Variants in PLEKHA7 observed in about 807,000 individuals in gnomAD.
PLEKHA7 encodes pleckstrin homology domain-containing family A member 7.
A neutral mutation model predicts 170.0 loss-of-function variants in PLEKHA7; 104 were observed. The observed-to-expected ratio is 0.61, with a 90% CI of 0.52 to 0.72. PLEKHA7 has a LOEUF of 0.72. PLEKHA7 is among the 30% of genes least tolerant of loss of function. The probability of loss-of-function intolerance (pLI) is 0.00; values close to 1 mark genes in which losing one functional copy is unlikely to be tolerated. For missense variants in PLEKHA7, 1,615 were observed against 1,671.7 expected (o/e 0.97, Z 0.59); for synonymous variants, 648 against 660.8 (o/e 0.98, Z 0.30).
intron 26 of PLEKHA7, among the ~76,000 whole-genome samples, chr11:16,780,412 G>A (rs371250633): frequency 1.3e-5 from 2 of 152,258 alleles, no homozygotes; most frequent in Non-Finnish European, 2.9e-5. Context: ...AAAGTGCCCA[G>A]TGACCAAAAG....
At chr11:17,013,944 C>CA in intron 3 of PLEKHA7, 45 bp downstream of exon 3, 1 of 1,452,438 alleles carries the variant, frequency 6.9e-7, no homozygotes, top group South Asian at 1.3e-5. Flanking sequence ...GGAGGGACCC[C>CA]CCCCCCGCGG....
At chr11:16,842,750 C>A (rs12577088) in intron 8 of PLEKHA7, among the ~76,000 whole-genome samples, 1 of 151,996 alleles carries the variant, frequency 6.6e-6, no homozygotes, top group African/African-American at 2.4e-5. Context: ...AACAATCTCA[C>A]CAAATCTACA....
At chr11:16,910,371 T>G (rs1858160616) in intron 3 of PLEKHA7, among the ~76,000 whole-genome samples, 1 of 152,242 alleles carries the variant, frequency 6.6e-6, no homozygotes, top group Admixed American at 6.5e-5. Flanking sequence ...TCCAAGCTTA[T>G]TTATGCCTTC....
chr11:16,802,139 C>A (rs1469712880), intron 15 of PLEKHA7, among the ~76,000 whole-genome samples: 2 of 152,174 alleles, frequency 1.3e-5, no homozygotes, highest in South Asian at 4.1e-4. Flanking sequence ...AAAACAAAAA[C>A]CTCTTTAGCC....
intron 3 of PLEKHA7, among the ~76,000 whole-genome samples, chr11:17,007,419 T>C (rs1008498675): frequency 2.0e-5 from 3 of 151,868 alleles, no homozygotes; most frequent in Non-Finnish European, 4.4e-5. Flanking sequence ...ACCTCCTGGG[T>C]TCAAGCGTTC....
chr11:16,978,995 G>A (rs955884789), intron 3 of PLEKHA7, among the ~76,000 whole-genome samples: 1 of 152,146 alleles, frequency 6.6e-6, no homozygotes. Context: ...CCAGCCACCA[G>A]AACAAGATTT....
At chr11:16,873,509 T>C (rs1322793285) in intron 3 of PLEKHA7, among the ~76,000 whole-genome samples, 1 of 152,220 alleles carries the variant, frequency 6.6e-6, no homozygotes, top group Non-Finnish European at 1.5e-5. Context: ...CGTGGAATTC[T>C]ATGACCTCAT....
chr11:16,782,046 C>T (rs962585359), intron 26 of PLEKHA7, among the ~76,000 whole-genome samples: 3 of 152,000 alleles, frequency 2.0e-5, no homozygotes, highest in Non-Finnish European at 4.4e-5. Context: ...TCCTTCCTGG[C>T]TGAGAGAAAG....
At chr11:16,897,123 T>C (rs1857042378) in intron 3 of PLEKHA7, among the ~76,000 whole-genome samples, 1 of 152,214 alleles carries the variant, frequency 6.6e-6, no homozygotes, top group Non-Finnish European at 1.5e-5. Context: ...GGAGAGGTAG[T>C]ACTGACACTA....
At chr11:16,840,008 G>A (rs949668259) in intron 9 of PLEKHA7, among the ~76,000 whole-genome samples, 1 of 152,090 alleles carries the variant, frequency 6.6e-6, no homozygotes, top group African/African-American at 2.4e-5. Flanking sequence ...ACACTGTGAG[G>A]TAAGCCCCGC....
chr11:16,815,736 G>A (rs1366094720), intron 12 of PLEKHA7, among the ~76,000 whole-genome samples: 4 of 151,718 alleles, frequency 2.6e-5, no homozygotes, highest in Non-Finnish European at 5.9e-5. Context: ...GGCTGGTCTT[G>A]AACTCCTGGC....
chr11:16,839,188 T>C (rs425745), intron 9 of PLEKHA7, among the ~76,000 whole-genome samples: 24,447 of 152,014 alleles, frequency 0.16, 2,393 homozygotes, highest in African/African-American at 0.27. Flanking sequence ...AGGTGATTCA[T>C]ATATACTGAT....
chr11:16,986,530 C>T (rs1863735698), intron 3 of PLEKHA7, among the ~76,000 whole-genome samples: 1 of 152,154 alleles, frequency 6.6e-6, no homozygotes, highest in Non-Finnish European at 1.5e-5. Context: ...AAAGTGGGGA[C>T]CCTACTGACT....
chr11:16,816,867 T>C lies in PLEKHA7; in HGVS notation c.1799A>G (p.Asp600Gly), dbSNP rs767668346. ...CGAGATGTCCACACTCCTCCTCTGG[T>C]CCGGTGGCTTCACTGTGACTCGCTC... ...PAERVTVKPP[D>G]QRRSVDISLG... is the part of the protein sequence containing the mutation. The change falls in exon 11 of 27, where the codon GAC becomes GGC. Residue 600 changes from aspartate (D) to glycine (G), a missense_variant. Asp to Gly is a moderately conservative substitution (Grantham distance 94). Coordinates refer to ENST00000531066, the MANE Select transcript of PLEKHA7 (RefSeq NM_001329630.2). 6.2e-7 allele frequency: 1 copy of C among 1,614,096 alleles called. No individual in the cohort carries two copies. Among genetic ancestry groups the C allele is most frequent in the South Asian group, 1.1e-5 (1 of 91,080 alleles).
chr11:16,982,892 T>C (rs1432380525), intron 3 of PLEKHA7, among the ~76,000 whole-genome samples: 2 of 152,032 alleles, frequency 1.3e-5, no homozygotes, highest in African/African-American at 2.4e-5. Context: ...CTAGGATTCC[T>C]GGACTCCACA....
intron 3 of PLEKHA7, among the ~76,000 whole-genome samples, chr11:16,934,049 C>A (rs1433891037): frequency 6.6e-6 from 1 of 152,170 alleles, no homozygotes; most frequent in Non-Finnish European, 1.5e-5. Context: ...AACAGGAAGC[C>A]CTCTGGTCCT....
At chr11:16,841,226 AGTCT>A (rs1431441148) in intron 9 of PLEKHA7, among the ~76,000 whole-genome samples, 1 of 152,160 alleles carries the variant, frequency 6.6e-6, no homozygotes, top group Non-Finnish European at 1.5e-5. Flanking sequence ...CATGGCAGTT[AGTCT>A]GTAGCAGATT....
intron 3 of PLEKHA7, among the ~76,000 whole-genome samples, chr11:16,963,387 C>T (rs1245579779): frequency 1.3e-5 from 2 of 151,956 alleles, no homozygotes; most frequent in African/African-American, 2.4e-5. Flanking sequence ...ACTCAGCCAC[C>T]CCCTGGATTC....
At chr11:16,965,437 G>A (rs1862315408) in intron 3 of PLEKHA7, among the ~76,000 whole-genome samples, 2 of 152,140 alleles carry the variant, frequency 1.3e-5, no homozygotes, top group African/African-American at 4.8e-5. Flanking sequence ...ATATCTGGGG[G>A]AAATAACTCA....
Sources: gnomAD v4.1 joint callset for allele counts (sites outside exome capture counted in the v4.1 genomes callset) on GRCh38, gnomAD v4.1.1 for gene constraint, MANE v1.5 for transcripts, NCBI Gene and HGNC (gene_info 2026-07-23, HGNC 2026-07-21) for gene names.